Variants in SAMD3 observed in about 807,000 individuals in gnomAD.
SAMD3 encodes the protein sterile alpha motif domain-containing protein 3.
A neutral mutation model predicts 58.5 loss-of-function variants in SAMD3; 63 were observed. The ratio of observed to expected loss-of-function variants is 1.08; its 90% CI spans 0.88 to 1.33. The LOEUF (loss-of-function observed/expected upper bound fraction) is 1.33. Ranked by LOEUF, SAMD3 falls within the 40% of genes most tolerant of loss-of-function variation. The pLI is 0.00. For missense variants in SAMD3, 604 were observed against 608.4 expected (o/e 0.99, Z 0.08); for synonymous variants, 220 against 210.3 (o/e 1.05, Z -0.40).
intron 1 of SAMD3, among the ~76,000 whole-genome samples, chr6:130,356,205 A>G (rs970593256): frequency 3.3e-5 from 5 of 152,088 alleles, no homozygotes; most frequent in African/African-American, 1.2e-4. Flanking sequence ...CTGACTCCTT[A>G]TCCTCTCTCA....
At chr6:130,228,021 G>A (rs1402125266) in intron 2 of SAMD3, among the ~76,000 whole-genome samples, 2 of 152,132 alleles carry the variant, frequency 1.3e-5, no homozygotes, top group African/African-American at 4.8e-5. Context: ...AGCAAAGCAA[G>A]TAAAACTAGT....
At chr6:130,180,287 ATTTTTTTTTTTTTTT>A (rs56155412) in intron 7 of SAMD3, among the ~76,000 whole-genome samples, 1 of 69,418 alleles carries the variant, frequency 1.4e-5, no homozygotes, top group Non-Finnish European at 2.7e-5. Flanking sequence ...TACCTGGCTA[ATTTTTTTTTTTTTTT>A]TTTTTTTTTT....
chr6:130,159,808 G>C (rs563481112), intron 8 of SAMD3: 1 of 151,966 alleles, frequency 6.6e-6, no homozygotes, highest in African/African-American at 2.4e-5. Context: ...TGAAAAAAAG[G>C]CAGCCTCATA....
intron 9 of SAMD3, among the ~76,000 whole-genome samples, chr6:130,152,291 C>T (rs1170990665): frequency 6.6e-6 from 1 of 152,150 alleles, no homozygotes; most frequent in Non-Finnish European, 1.5e-5. Context: ...TTAGGAGGCA[C>T]ACAAGAGTTT....
intron 2 of SAMD3, among the ~76,000 whole-genome samples, chr6:130,293,504 G>C (rs1775452928): frequency 6.6e-6 from 1 of 151,780 alleles, no homozygotes; most frequent in Non-Finnish European, 1.5e-5. Context: ...CTCTTACACA[G>C]ATTACCACCT....
intron 9 of SAMD3, among the ~76,000 whole-genome samples, chr6:130,153,419 A>G (rs763837747): frequency 6.6e-6 from 1 of 152,016 alleles, no homozygotes; most frequent in Non-Finnish European, 1.5e-5. Context: ...AATACAGGCA[A>G]TTCTTATTTC....
At chr6:130,357,081 A>T (rs1395815517) in intron 1 of SAMD3, among the ~76,000 whole-genome samples, 1 of 151,950 alleles carries the variant, frequency 6.6e-6, no homozygotes, top group African/African-American at 2.4e-5. Context: ...TTATCTTTAA[A>T]AATCTATGAG....
At chr6:130,207,909 A>C (rs1198810251) in intron 5 of SAMD3, among the ~76,000 whole-genome samples, 1 of 152,186 alleles carries the variant, frequency 6.6e-6, no homozygotes, top group African/African-American at 2.4e-5. Flanking sequence ...GGAGCTCCTC[A>C]TCAAAGGGGC....
chr6:130,207,191 A>C (rs1795164371), intron 5 of SAMD3, among the ~76,000 whole-genome samples: 1 of 151,116 alleles, frequency 6.6e-6, no homozygotes, highest in Admixed American at 6.6e-5. Context: ...AGAAAAAGAA[A>C]AAAAAAGACC....
At chr6:130,143,464 G>A (rs1272643682), downstream of SAMD3, among the ~76,000 whole-genome samples, 1 of 152,018 alleles carries the variant, frequency 6.6e-6, no homozygotes, top group Non-Finnish European at 1.5e-5. Flanking sequence ...GGCTGGTCTC[G>A]AACTCCTGAC....
intron 2 of SAMD3, among the ~76,000 whole-genome samples, chr6:130,271,919 G>T (rs1460822033): frequency 6.6e-6 from 1 of 152,174 alleles, no homozygotes; most frequent in East Asian, 1.9e-4. Context: ...GCATGGGAAA[G>T]ACCCGTCCCC....
chr6:130,324,245 G>T (rs544466928), intron 1 of SAMD3, among the ~76,000 whole-genome samples: 1 of 152,072 alleles, frequency 6.6e-6, no homozygotes, highest in East Asian at 1.9e-4. Flanking sequence ...AGTTACCTTC[G>T]AGATCATTAG....
chr6:130,155,171 G>A, intron 8 of SAMD3, 146 bp from the exon 9 acceptor site: 1 of 599,770 alleles, frequency 1.7e-6, no homozygotes, highest in Non-Finnish European at 2.9e-6. Context: ...CTAATAAATG[G>A]ACAGTCTTTA....
chr6:130,331,724 AAAT>A (rs1243913002), intron 1 of SAMD3, among the ~76,000 whole-genome samples: 1 of 152,240 alleles, frequency 6.6e-6, no homozygotes, highest in Non-Finnish European at 1.5e-5. Flanking sequence ...ATCTCAAAAA[AAAT>A]AAAAAAGTTC....
rs777084920 is a variant in SAMD3 at position 130,304,926 on chromosome 6, C to CTT, written c.-188+8050_-188+8051dup. Among the ~76,000 whole-genome samples, 517 of 103,366 alleles carry CTT rather than the reference C, an allele frequency of 5.0e-3. 43 individuals carry two copies. Among genetic ancestry groups the CTT allele is most frequent in the African/African-American group, 0.014 (356 of 25,314 alleles). 67.8% of individuals were successfully genotyped at this position (103,366 alleles called of 152,430 possible). On this transcript the variant is annotated intron_variant, in intron 2 of 13. Coordinates refer to the SAMD3 transcript ENST00000368134. ...TAAACACTAAAATTACATTTTCTTCCTTTTTTTTTTTTTTTTTTTTTTTTT... is the reference window on the plus strand; with the variant it reads ...TAAACACTAAAATTACATTTTCTTCCTTTTTTTTTTTTTTTTTTTTTTTTTTT...
intron 2 of SAMD3, among the ~76,000 whole-genome samples, chr6:130,307,402 G>T (rs1361955076): frequency 6.6e-6 from 1 of 152,214 alleles, no homozygotes; most frequent in East Asian, 1.9e-4. Flanking sequence ...GGGAGAGATA[G>T]ATTTGGAGTT....
chr6:130,337,306 C>T (rs768378949), intron 1 of SAMD3, among the ~76,000 whole-genome samples: 37 of 152,266 alleles, frequency 2.4e-4, no homozygotes, highest in South Asian at 8.3e-4. Context: ...TTAAGACGTG[C>T]CTGCTTCCCC....
intron 2 of SAMD3, among the ~76,000 whole-genome samples, chr6:130,270,752 A>C (rs1344219423): frequency 6.6e-6 from 1 of 152,228 alleles, no homozygotes; most frequent in Non-Finnish European, 1.5e-5. Context: ...CATTGTATGA[A>C]TAAATAATTT....
intron 9 of SAMD3, among the ~76,000 whole-genome samples, chr6:130,150,763 G>A (rs1789090811): frequency 6.6e-6 from 1 of 150,746 alleles, no homozygotes; most frequent in Non-Finnish European, 1.5e-5. Flanking sequence ...CCAGGCTGGA[G>A]TCCAGTGGCA....
Sources: allele counts gnomAD v4.1 joint callset (sites outside exome capture counted in the v4.1 genomes callset), GRCh38; gene constraint gnomAD v4.1.1; transcripts MANE v1.5; gene names NCBI Gene and HGNC (gene_info 2026-07-23, HGNC 2026-07-21).